FLNC: variants seen among roughly 807,000 people sequenced by gnomAD.
FLNC encodes the protein filamin-C.
In FLNC, 91 loss-of-function variants were observed where a neutral mutation model predicts 254.3. The observed-to-expected ratio is 0.36, with a 90% CI of 0.30 to 0.43. FLNC has a LOEUF of 0.43. Among genes scored for constraint, FLNC ranks in the 20% least tolerant of loss-of-function variants. The pLI is 1.00. For synonymous variants in FLNC, 1,430 were observed against 1,577.2 expected, an observed-to-expected ratio of 0.91 and a Z score of 2.21; for missense variants, 2,853 against 3,802.6, an observed-to-expected ratio of 0.75 and a Z score of 6.57.
rs1343538724 is a variant in FLNC, at chr7:128,847,768, G to A, written c.4360G>A (p.Gly1454Arg). 1 of 1,613,994 alleles carries A rather than the reference G, an allele frequency of 6.2e-7. No individual in the cohort carries two copies. The highest frequency in any genetic ancestry group is 1.3e-5 in the African/African-American group (1 of 74,916). Reference protein sequence around the residue: ...GKVKCSGPGLGAGVRARVPQT... With the variant: ...GKVKCSGPGLRAGVRARVPQT... Reference sequence around the variant, plus strand: ...GGTGAAGTGCTCAGGGCCAGGGCTGGGGGCTGGTGTCAGGGCCCGGGTTCC... The same window carrying A: ...GGTGAAGTGCTCAGGGCCAGGGCTGAGGGCTGGTGTCAGGGCCCGGGTTCC... The change falls in exon 25 of 48, where the codon GGG becomes AGG. Residue 1454 changes from glycine to arginine, a missense_variant. Around this residue, in one of 10 missense-constraint regions of FLNC, gnomAD observed 1,573 missense variants for 1,883.5 expected, o/e 0.84. Coordinates refer to ENST00000325888, the MANE Select transcript of FLNC (RefSeq NM_001458.5).
chr7:128,848,186 G>A (rs910029313), intron 26 of FLNC, 118 bp downstream of exon 26: 25 of 1,281,756 alleles, frequency 2.0e-5, no homozygotes, highest in African/African-American at 8.8e-5. Flanking sequence ...TCTCAGCCTC[G>A]TCCAGTCTCG....
Position 128,858,436 on chromosome 7 carries a change from T to C in FLNC, c.8091T>C (p.Thr2697=), listed in dbSNP as rs369131204. 102 of 1,613,176 alleles carry C rather than the reference T, an allele frequency of 6.3e-5. No individual in the cohort carries two copies. The highest frequency in any genetic ancestry group is 7.8e-5 in the Non-Finnish European group (92 of 1,179,558). ...MGNRVYNVTY[T]VKEKGDYILI... ...ACCGGGTGTACAATGTCACCTACAC[T>C]GTCAAGGAGAAAGGGGACTACATCC... is the stretch of plus-strand genomic sequence containing the variant. Residue 2697 remains threonine, a synonymous_variant, in exon 48 of 48, where the codon ACT becomes ACC. Transcript: ENST00000325888. The surrounding 1 kb of genome is among the most constrained non-coding windows in gnomAD (Gnocchi z 6.7).
Position 128,837,182 on chromosome 7 carries a change from C to A in FLNC, c.624C>A (p.Ala208=). 6.2e-7 allele frequency: 1 copy of A among 1,603,198 alleles called. No individual in the cohort carries two copies. The highest frequency in any genetic ancestry group is 8.5e-7 in the Non-Finnish European group (1 of 1,175,564). ...CAPGLCPDWE[A]WDPNQPVENA... ...CAGGTCTCTGCCCCGACTGGGAGGC[C>A]TGGGACCCCAACCAGCCCGTGGAGA... The change falls in exon 3 of 48, where the codon GCC becomes GCA. Residue 208 remains alanine (A), a synonymous_variant. Transcript: ENST00000325888.
chr7:128,852,115 C>A (rs780187474), intron 35 of FLNC, among the ~76,000 whole-genome samples: 1 of 152,150 alleles, frequency 6.6e-6, no homozygotes, highest in East Asian at 1.9e-4. Context: ...CCACCTGCCT[C>A]GGCCTCCCAA....
intron 2 of FLNC, 151 bp from the exon 3 acceptor site, chr7:128,837,009 A>T (rs1209427093): frequency 1.6e-6 from 1 of 642,934 alleles, no homozygotes; most frequent in Non-Finnish European, 2.8e-6. Flanking sequence ...CTCGAAGCTG[A>T]TGGGGTCAGC....
chr7:128,843,858 G>A lies in FLNC; in HGVS notation c.2874G>A (p.Val958=), dbSNP rs754046100. ...GDPVPKSPFV[V]NVAPPLDLSK... ...CTGTCCCCAAGAGCCCCTTTGTGGT[G>A]AATGTGGCACCCCCGCTGGACCTCA... Residue 958 remains valine (V), a synonymous_variant, in exon 19 of 48, where the codon GTG becomes GTA. Coordinates refer to ENST00000325888, the MANE Select transcript of FLNC (RefSeq NM_001458.5). The A allele has an allele frequency of 5.0e-6, 8 of 1,613,888 alleles. No individual in the cohort carries two copies. Among genetic ancestry groups the A allele is most frequent in the South Asian group, 1.1e-5 (1 of 91,092 alleles).
At position 128,830,803 on chromosome 7, in the gene FLNC, C is replaced by T; in HGVS notation, c.166C>T (p.Arg56Cys). ...CNEHLKCVGK[R>C]LTDLQRDLSD... Reference sequence around the variant, plus strand: ...TGAGCACCTCAAGTGCGTGGGCAAGCGCCTGACCGACCTGCAGCGCGACCT... The same window carrying T: ...TGAGCACCTCAAGTGCGTGGGCAAGTGCCTGACCGACCTGCAGCGCGACCT... The change falls in exon 1 of 48, where the codon CGC becomes TGC. Residue 56 changes from arginine (R) to cysteine (C), a missense_variant. This residue lies in a region of FLNC where 59 missense variants were observed against 59.8 expected (regional missense o/e 0.99). Coordinates refer to ENST00000325888, the MANE Select transcript of FLNC (RefSeq NM_001458.5). The T allele has an allele frequency of 6.2e-7, 1 of 1,613,086 alleles. No individual in the cohort carries two copies. The highest frequency in any genetic ancestry group is 8.5e-7 in the Non-Finnish European group (1 of 1,179,924).
chr7:128,851,207 G>A (rs1435195227), intron 33 of FLNC, 25 bp from the exon 34 acceptor site: 2 of 1,613,792 alleles, frequency 1.2e-6, no homozygotes, highest in East Asian at 2.2e-5. Context: ...TGCTGACCCA[G>A]CCCCCTTTTT....
chr7:128,844,125 A>T lies in FLNC; in HGVS notation c.3051A>T (p.Pro1017=). 1 of 1,613,974 alleles carries T rather than the reference A, an allele frequency of 6.2e-7. No homozygotes were observed. The highest frequency in any genetic ancestry group is 8.5e-7 in the Non-Finnish European group (1 of 1,180,040). The change falls in exon 20 of 48, where the codon CCA becomes CCT. Residue 1017 remains proline (P), a synonymous_variant. Transcript: ENST00000325888. ...SRRPIPCKLE[P]GGGAEAQAVR... ...GGCCCATCCCCTGCAAGCTGGAGCCAGGCGGTGGAGCGGAAGCCCAGGCTG... is the reference window on the plus strand; with the variant it reads ...GGCCCATCCCCTGCAAGCTGGAGCCTGGCGGTGGAGCGGAAGCCCAGGCTG...
Position 128,856,036 on chromosome 7 carries a change from T to G in FLNC, c.7252-482T>G, listed in dbSNP as rs1462442324. On this transcript the variant is annotated intron_variant, in intron 43 of 47. Coordinates refer to ENST00000325888, the MANE Select transcript of FLNC (RefSeq NM_001458.5). This position sits in a 1 kb window ranked among gnomAD's most constrained non-coding sequence, Gnocchi z 5.9. ...CTTGTGCATCTCCTCCTCCCACTCC[T>G]GAACTGGGCTCCCCGATGCAGGCTC... Among the ~76,000 whole-genome samples, 2 of 152,188 alleles carry G rather than the reference T, an allele frequency of 1.3e-5. No individual in the cohort carries two copies. The highest frequency in any genetic ancestry group is 2.9e-5 in the Non-Finnish European group (2 of 68,024).
Position 128,853,545 on chromosome 7 carries a change from A to T in FLNC, c.6285A>T (p.Thr2095=), listed in dbSNP as rs2128939108. ...ACTGTGAGGACATGGAGGACGGGAC[A>T]TGCAAAGTCACCTACTGCCCCACCG... ...DINCEDMEDG[T]CKVTYCPTEP... The change falls in exon 38 of 48, where the codon ACA becomes ACT. Residue 2095 remains threonine (T), a synonymous_variant. Coordinates refer to ENST00000325888, the MANE Select transcript of FLNC (RefSeq NM_001458.5). 6.2e-7 allele frequency: 1 copy of T among 1,614,140 alleles called. No individual in the cohort carries two copies. Among genetic ancestry groups the T allele is most frequent in the South Asian group, 1.1e-5 (1 of 91,086 alleles).
chr7:128,853,238 C>G, intron 37 of FLNC: 2 of 711,534 alleles, frequency 2.8e-6, no homozygotes, highest in Non-Finnish European at 2.4e-6. Flanking sequence ...GCTCAGCTGT[C>G]CTGAGTTTCT....
At chr7:128,848,128 T>C in intron 26 of FLNC, 60 bp downstream of exon 26, 3 of 1,553,074 alleles carry the variant, frequency 1.9e-6, no homozygotes, top group African/African-American at 2.7e-5. Context: ...CCTGCTGGGG[T>C]GGCACTCAGG....
intron 37 of FLNC, 22 bp from the exon 38 acceptor site, chr7:128,853,447 T>C (rs766561687): frequency 1.9e-6 from 3 of 1,613,184 alleles, no homozygotes; most frequent in Admixed American, 3.3e-5. Flanking sequence ...CTGAGGGAGA[T>C]GTGTTCCTTG....
Position 128,853,727 on chromosome 7 carries a change from C to A in FLNC, c.6374C>A (p.Thr2125Asn), listed in dbSNP as rs371455516. Reference protein sequence around the residue: ...ADKHVPGSPFTVKVTGEGRMK... With the variant: ...ADKHVPGSPFNVKVTGEGRMK... Reference sequence around the variant, plus strand: ...GTCCCCACTTCAGGAAGCCCCTTCACTGTGAAGGTGACCGGCGAGGGCCGC... The same window carrying A: ...GTCCCCACTTCAGGAAGCCCCTTCAATGTGAAGGTGACCGGCGAGGGCCGC... The change falls in exon 39 of 48, where the codon ACT becomes AAT. Residue 2125 changes from threonine to asparagine, a missense_variant. Thr to Asn is a moderately conservative substitution (Grantham distance 65). Transcript: ENST00000325888. The A allele has an allele frequency of 6.2e-7, 1 of 1,613,940 alleles. No homozygotes were observed. Among genetic ancestry groups the A allele is most frequent in the Non-Finnish European group, 8.5e-7 (1 of 1,180,046 alleles).
chr7:128,833,929 C>CCAGG (rs1387223953), intron 1 of FLNC, among the ~76,000 whole-genome samples: 5 of 152,138 alleles, frequency 3.3e-5, no homozygotes, highest in African/African-American at 1.2e-4. Context: ...GTGGGGGAGC[C>CCAGG]CAGGCGGCCA....
rs754309921 is a variant in FLNC, at chr7:128,837,201, G to A, written c.643G>A (p.Val215Met). The part of the protein sequence containing the change: ...DWEAWDPNQP[V>M]ENAREAMQQA... ...GGAGGCCTGGGACCCCAACCAGCCC[G>A]TGGAGAACGCCCGGGAGGCCATGCA... The change falls in exon 3 of 48, where the codon GTG becomes ATG. Residue 215 changes from valine (V) to methionine (M), a missense_variant. This residue lies in a region of FLNC where 115 missense variants were observed against 230.3 expected (regional missense o/e 0.50). Transcript: ENST00000325888. 8.9e-5 allele frequency: 143 copies of A among 1,603,752 alleles called. No individual in the cohort carries two copies. Among genetic ancestry groups the A allele is most frequent in the African/African-American group, 1.6e-4 (12 of 74,772 alleles).
In FLNC at chr7:128,841,645, AG is replaced by A; in HGVS notation, c.2121+80del. The A allele has an allele frequency of 9.6e-7, 1 of 1,040,112 alleles. No homozygotes were observed. The highest frequency in any genetic ancestry group is 1.5e-6 in the Non-Finnish European group (1 of 658,252). 64.4% of individuals were successfully genotyped at this position (1,040,112 alleles called of 1,614,324 possible). A position where few individuals can be genotyped will look rare whatever the true frequency, so the allele number is the denominator to read the frequency against. ...GAAGGCAGGGCCAGGCCAGAGGCAG[AG>A]GCCTCCCAGCAGGAAATGACAGCAT... On this transcript the variant is annotated intron_variant, in intron 13 of 47. Transcript: ENST00000325888. The surrounding 1 kb of genome is among the most constrained non-coding windows in gnomAD (Gnocchi z 4.3).
At position 128,856,593 on chromosome 7, in the gene FLNC, C is replaced by T. The variant is rs1585171621; in HGVS notation, c.7327C>T (p.Arg2443Trp). 4 of 1,612,820 alleles carry T rather than the reference C, an allele frequency of 2.5e-6. No individual in the cohort carries two copies. The highest frequency in any genetic ancestry group is 3.4e-6 in the Non-Finnish European group (4 of 1,180,006). Residue 2443 changes from arginine (R) to tryptophan (W), a missense_variant, in exon 44 of 48, where the codon CGG (arginine) becomes TGG (tryptophan). By Grantham distance (101) the Arg-to-Trp change is moderately radical. Coordinates refer to ENST00000325888, the MANE Select transcript of FLNC (RefSeq NM_001458.5). The surrounding 1 kb of genome is among the most constrained non-coding windows in gnomAD (Gnocchi z 5.9). ...CGGTGCCCGGGGCGTGATTGATGCC[C>T]GGGTGCACACACCCTCGGGGGCTGT... The part of the protein sequence containing the change: ...LNGARGVIDA[R>W]VHTPSGAVEE...
Sources: allele counts gnomAD v4.1 joint callset (sites outside exome capture counted in the v4.1 genomes callset), GRCh38; gene constraint gnomAD v4.1.1; regional missense constraint gnomAD v4.1.1; non-coding constraint Gnocchi (gnomAD v3.1); transcripts MANE v1.5; gene names NCBI Gene and HGNC (gene_info 2026-07-23, HGNC 2026-07-21).